Variants in THSD7A observed in about 807,000 individuals in gnomAD.
The protein encoded by THSD7A is thrombospondin type-1 domain-containing protein 7A.
A neutral mutation model predicts 231.3 loss-of-function variants in THSD7A; 96 were observed. That is an observed-to-expected ratio of 0.41 (90% CI 0.35 to 0.49). The LOEUF is 0.49. THSD7A is among the 20% of genes least tolerant of loss of function. The pLI is 0.05. For synonymous variants in THSD7A, 940 were observed against 743.3 expected (o/e 1.26, Z -4.30); for missense variants, 2,290 against 2,070.2 (o/e 1.11, Z -2.06).
chr7:11,691,125 A>C (rs1377329549), intron 1 of THSD7A, among the ~76,000 whole-genome samples: 1 of 151,632 alleles, frequency 6.6e-6, no homozygotes, highest in African/African-American at 2.4e-5. Flanking sequence ...AAATGAGGGA[A>C]ATAACTCACA....
rs2128341918 is a variant in THSD7A, at chr7:11,593,298, T to C, written c.1227A>G (p.Lys409=). The C allele has an allele frequency of 1.2e-6, 2 of 1,614,012 alleles. No homozygotes were observed. The highest frequency in any genetic ancestry group is 2.2e-5 in the East Asian group (1 of 44,880). ...CATCTCCTTGAGACAAACAGGGTTC[T>C]TTTTCTTCAAATTCTGGACACTCCT... The part of the protein sequence containing the change: ...SEKECPEFEE[K]EPCLSQGDGV... Residue 409 remains lysine (K), a synonymous_variant, in exon 3 of 28, where the codon AAA becomes AAG. Transcript: ENST00000423059.
intron 1 of THSD7A, among the ~76,000 whole-genome samples, chr7:11,693,286 T>C (rs1300443242): frequency 6.6e-6 from 1 of 151,586 alleles, no homozygotes; most frequent in Non-Finnish European, 1.5e-5. Flanking sequence ...TATGTGAATA[T>C]TATAATCTAG....
intron 11 of THSD7A, among the ~76,000 whole-genome samples, chr7:11,458,699 C>G (rs949134117): frequency 1.3e-5 from 2 of 152,068 alleles, no homozygotes; most frequent in Non-Finnish European, 1.5e-5. Context: ...ACCCTTTTAT[C>G]ACAGAGGGAG....
chr7:11,466,930 C>A (rs201603683), intron 9 of THSD7A, among the ~76,000 whole-genome samples: 18 of 152,042 alleles, frequency 1.2e-4, no homozygotes, highest in Admixed American at 1.2e-3. Flanking sequence ...TGCCACTCAC[C>A]ACAAGAAATG....
intron 4 of THSD7A, among the ~76,000 whole-genome samples, chr7:11,556,835 A>G (rs1365218009): frequency 2.6e-5 from 4 of 151,946 alleles, no homozygotes; most frequent in African/African-American, 9.7e-5. Context: ...CTGTCACTCA[A>G]ATTTCTTTTT....
chr7:11,710,182 A>T (rs1299117703), intron 1 of THSD7A, among the ~76,000 whole-genome samples: 1 of 150,806 alleles, frequency 6.6e-6, no homozygotes, highest in African/African-American at 2.4e-5. Context: ...CATTTTTAAC[A>T]AGTTCTTAAA....
chr7:11,654,500 A>G (rs1782636248), intron 1 of THSD7A, among the ~76,000 whole-genome samples: 1 of 151,976 alleles, frequency 6.6e-6, no homozygotes, highest in Non-Finnish European at 1.5e-5. Context: ...CTGAAGCAAT[A>G]GATCTTATTC....
intron 1 of THSD7A, among the ~76,000 whole-genome samples, chr7:11,641,769 T>TAA (rs1782090836): frequency 4.9e-5 from 6 of 123,414 alleles, no homozygotes; most frequent in Non-Finnish European, 9.7e-5. Flanking sequence ...AAATAAAATA[T>TAA]AATATAATAA....
intron 1 of THSD7A, among the ~76,000 whole-genome samples, chr7:11,725,726 T>C (rs1217680650): frequency 6.6e-6 from 1 of 151,978 alleles, no homozygotes; most frequent in Admixed American, 6.6e-5. Context: ...CTTGTATATA[T>C]TGTATTGATT....
chr7:11,710,225 G>A (rs575281884), intron 1 of THSD7A, among the ~76,000 whole-genome samples: 22 of 150,156 alleles, frequency 1.5e-4, no homozygotes, highest in Admixed American at 7.3e-4. Context: ...GGGAAAAAGC[G>A]TTGAGAATCA....
At chr7:11,724,925 C>CTCT (rs373126536) in intron 1 of THSD7A, among the ~76,000 whole-genome samples, 2,766 of 151,346 alleles carry the variant, frequency 0.018, 26 homozygotes, top group Non-Finnish European at 0.025. Flanking sequence ...CTAACCTCAT[C>CTCT]TCTTCTTCTT....
intron 2 of THSD7A, among the ~76,000 whole-genome samples, chr7:11,594,994 G>A (rs2128342464): frequency 6.6e-6 from 1 of 152,128 alleles, no homozygotes; most frequent in East Asian, 1.9e-4. Flanking sequence ...AATCTTTTTT[G>A]CCAGAAGAAA....
chr7:11,785,270 T>A (rs1783753371), intron 1 of THSD7A, among the ~76,000 whole-genome samples: 1 of 152,112 alleles, frequency 6.6e-6, no homozygotes, highest in African/African-American at 2.4e-5. Flanking sequence ...ATTGCCCAAG[T>A]TGGAGTGCAG....
intron 2 of THSD7A, among the ~76,000 whole-genome samples, chr7:11,594,025 AC>A (rs1042074566): frequency 2.2e-4 from 34 of 152,262 alleles, no homozygotes; most frequent in African/African-American, 8.2e-4. Flanking sequence ...AGGCAGACCC[AC>A]CCTTAATCTG....
chr7:11,690,131 T>C (rs74820132), intron 1 of THSD7A, among the ~76,000 whole-genome samples: 3,110 of 151,920 alleles, frequency 0.02, 66 homozygotes, highest in Non-Finnish European at 0.029. Flanking sequence ...TGTTTGTCTA[T>C]TGTAACAGAC....
In THSD7A at chr7:11,415,668, C is replaced by T. The variant is rs975141110; in HGVS notation, c.3537+1782G>A. Among the ~76,000 whole-genome samples, 107 of 152,278 alleles carry T rather than the reference C, an allele frequency of 7.0e-4. 1 individual carries two copies. Among genetic ancestry groups the T allele is most frequent in the African/African-American group, 2.3e-3 (95 of 41,568 alleles). On this transcript the variant is annotated intron_variant, in intron 17 of 27. Transcript: ENST00000423059. ...AGTCTCACAGGAATATAACTATTTG[C>T]CTTAATGCCTGTCTCTCTTCCTAAG...
intron 2 of THSD7A, among the ~76,000 whole-genome samples, chr7:11,600,000 C>T (rs1309352519): frequency 1.3e-5 from 2 of 151,886 alleles, no homozygotes; most frequent in Admixed American, 6.6e-5. Context: ...TTCCTACCCT[C>T]GAACATCAGA....
Position 11,590,738 on chromosome 7 carries a change from A to C in THSD7A, c.1272-97T>G. On this transcript the variant is annotated intron_variant, in intron 3 of 27. Coordinates refer to ENST00000423059, the MANE Select transcript of THSD7A (RefSeq NM_015204.3). The surrounding 1 kb of genome is among the most constrained non-coding windows in gnomAD (Gnocchi z 4.4). ...TTGTTTTAACGAAAATTAGTCTCAA[A>C]ATCATTTTCCTAGAGAATCCATCGT... The C allele has an allele frequency of 7.3e-7, 1 of 1,366,404 alleles. No homozygotes were observed. The highest frequency in any genetic ancestry group is 2.5e-5 in the East Asian group (1 of 39,414). 84.6% of individuals were successfully genotyped at this position (1,366,404 alleles called of 1,614,324 possible).
intron 13 of THSD7A, among the ~76,000 whole-genome samples, chr7:11,432,145 C>A (rs796123123): frequency 6.6e-6 from 1 of 152,112 alleles, no homozygotes; most frequent in African/African-American, 2.4e-5. Flanking sequence ...CTTCTACCAC[C>A]CTCAAGTTAT....
Sources: allele counts gnomAD v4.1 joint callset (sites outside exome capture counted in the v4.1 genomes callset), GRCh38; gene constraint gnomAD v4.1.1; non-coding constraint Gnocchi (gnomAD v3.1); transcripts MANE v1.5; gene names NCBI Gene and HGNC (gene_info 2026-07-23, HGNC 2026-07-21).